The following CD163 variants were observed in gnomAD, a reference collection of about 807,000 sequenced individuals.
The protein encoded by CD163 is scavenger receptor cysteine-rich type 1 protein M130.
A neutral mutation model predicts 129.2 loss-of-function variants in CD163; 64 were observed. The ratio of observed to expected loss-of-function variants is 0.50; its 90% CI spans 0.41 to 0.61. The LOEUF (loss-of-function observed/expected upper bound fraction) is 0.61. CD163 is among the 20% of genes least tolerant of loss of function. The probability of loss-of-function intolerance (pLI) is 0.00; values close to 1 mark genes in which losing one functional copy is unlikely to be tolerated. For missense variants in CD163, 1,061 were observed against 1,377.9 expected (o/e 0.77, Z 3.64); for synonymous variants, 446 against 478.5 (o/e 0.93, Z 0.89).
rs1949157670 is a variant in CD163, at chr12:7,481,221, G to A, written c.3283C>T (p.Gln1095Ter). The change falls in exon 15 of 17, where the codon CAA becomes TAA. Residue 1095 changes from glutamine to a stop codon, truncating the protein, a stop_gained. Transcript: ENST00000432237. LOFTEE classifies it high-confidence loss of function. The stretch of plus-strand genomic sequence containing the variant: ...AGGCAAGAATTCATCTCCCGGTATT[G>A]AATTTGGTGGACTAAGTTCTCTCCT... ...SRGENLVHQI[Q>*]YREMNSCLNA... 6.2e-7 allele frequency: 1 copy of A among 1,613,902 alleles called. No homozygotes were observed. The highest frequency in any genetic ancestry group is 2.2e-5 in the East Asian group (1 of 44,876).
intron 12 of CD163, 178 bp downstream of exon 12, chr12:7,483,189 T>C: frequency 1.3e-6 from 1 of 788,648 alleles, no homozygotes; most frequent in Non-Finnish European, 2.0e-6. Flanking sequence ...GTCTCCTTGG[T>C]GAAGGCCGTT....
Position 7,499,178 on chromosome 12 carries a change from AT to A in CD163, c.467del (p.Asn156IlefsTer4). ...DAGVTCSDGS[N>X]LEMRLTRGGN... ...CTCCACGCGTCAGCCTCATTTCCAA[AT>A]TGGATCCATCTGGAGCAGAGAAAAG... is the stretch of plus-strand genomic sequence containing the variant. On this transcript the variant is annotated frameshift_variant, in exon 4 of 17. Coordinates refer to ENST00000432237, the MANE Select transcript of CD163 (RefSeq NM_203416.4). LOFTEE classifies it high-confidence loss of function. 1 of 1,610,202 alleles carries A rather than the reference AT, an allele frequency of 6.2e-7. No homozygotes were observed. The highest frequency in any genetic ancestry group is 8.5e-7 in the Non-Finnish European group (1 of 1,178,746).
intron 11 of CD163, 104 bp from the exon 12 acceptor site, chr12:7,483,779 T>A: frequency 4.5e-6 from 2 of 445,970 alleles, no homozygotes; most frequent in Non-Finnish European, 7.2e-6. Context: ...AAAAAAACTA[T>A]TTAAAATTTT....
At position 7,483,540 on chromosome 12, in the gene CD163, C is replaced by G; in HGVS notation, c.2915G>C (p.Cys972Ser). The G allele has an allele frequency of 2.5e-6, 4 of 1,613,990 alleles. No individual in the cohort carries two copies. Among genetic ancestry groups the G allele is most frequent in the Non-Finnish European group, 1.7e-6 (2 of 1,179,986 alleles). The change falls in exon 12 of 17, where the codon TGT becomes TCT. Residue 972 changes from cysteine (C) to serine (S), a missense_variant. Transcript: ENST00000432237. ...TTTGAATGCTTTCAAAGCTGGACCA[C>G]AGCCAAGTTGTTGACACACCACCTG... Reference protein sequence around the residue: ...DAQVVCQQLGCGPALKAFKEA... With the variant: ...DAQVVCQQLGSGPALKAFKEA...
At chr12:7,484,653 A>C (rs941292541) in intron 11 of CD163, among the ~76,000 whole-genome samples, 2 of 151,792 alleles carry the variant, frequency 1.3e-5, no homozygotes, top group Admixed American at 6.6e-5. Flanking sequence ...AAAAAAAAAA[A>C]AAAAAACCTG....
Position 7,498,847 on chromosome 12 carries a change from T to C in CD163, c.778+21A>G, listed in dbSNP as rs376252644. ...TTTTGTCCTCTCCTGGAGAATAGAA[T>C]GAGCCAAGATCAGTCCTTACTTGAG... On this transcript the variant is annotated intron_variant, in intron 4 of 16. Transcript: ENST00000432237. 16 of 1,600,944 alleles carry C rather than the reference T, an allele frequency of 1.0e-5. No homozygotes were observed. The African/African-American group carries it at 1.3e-4, about 13-fold the overall frequency.
chr12:7,491,131 T>TG (rs1949321529), intron 6 of CD163, among the ~76,000 whole-genome samples: 1 of 151,378 alleles, frequency 6.6e-6, no homozygotes, highest in African/African-American at 2.4e-5. Flanking sequence ...AGAAAACCAG[T>TG]GAAAAACAAA....
intron 16 of CD163, among the ~76,000 whole-genome samples, chr12:7,477,503 G>A (rs757592086): frequency 4.6e-5 from 7 of 152,128 alleles, no homozygotes; most frequent in East Asian, 3.9e-4. Context: ...ACCAAACACC[G>A]CATGTTCTCA....
Position 7,486,841 on chromosome 12 carries a change from A to G in CD163, c.2144-28T>C, listed in dbSNP as rs764531904. 1.9e-6 allele frequency: 3 copies of G among 1,606,428 alleles called. No homozygotes were observed. In the Admixed American group the frequency reaches 5.0e-5, roughly 27 times the overall value. ...GCAAAGAGAAATGAAACTATTAATA[A>G]TGAGCATTCCACTTGTTATTAATAT... On this transcript the variant is annotated intron_variant, in intron 9 of 16. Transcript: ENST00000432237.
chr12:7,496,925 C>T lies in CD163; in HGVS notation c.987G>A (p.Trp329Ter), dbSNP rs751639118. The change falls in exon 5 of 17, where the codon TGG (tryptophan) becomes TGA (stop). Residue 329 changes from tryptophan (W) to a stop codon, truncating the protein, a stop_gained. Transcript: ENST00000432237. LOFTEE classifies it high-confidence loss of function. The surrounding 1 kb of genome is among the most constrained non-coding windows in gnomAD (Gnocchi z 4.8). Reference sequence around the variant, plus strand: ...GTCCCTGGCAAGAAACGCTGTCAAGCCAGATGTGTCCAAATCCCTTACTGG... The same window carrying T: ...GTCCCTGGCAAGAAACGCTGTCAAGTCAGATGTGTCCAAATCCCTTACTGG... ...VNASKGFGHI[W>*]LDSVSCQGHE... 1 of 1,614,126 alleles carries T rather than the reference C, an allele frequency of 6.2e-7. No homozygotes were observed. The highest frequency in any genetic ancestry group is 8.5e-7 in the Non-Finnish European group (1 of 1,180,010).
intron 16 of CD163, among the ~76,000 whole-genome samples, chr12:7,477,464 T>C (rs1449109401): frequency 6.6e-6 from 1 of 152,184 alleles, no homozygotes; most frequent in Non-Finnish European, 1.5e-5. Flanking sequence ...GAAACCATCA[T>C]TCTCAGCAAA....
At chr12:7,489,831 A>C (rs1364604398) in intron 6 of CD163, among the ~76,000 whole-genome samples, 1 of 152,078 alleles carries the variant, frequency 6.6e-6, no homozygotes, top group Non-Finnish European at 1.5e-5. Flanking sequence ...TCTTTAGTAC[A>C]CTTTAAAATA....
At chr12:7,473,888 A>C (rs1413602177) in intron 16 of CD163, among the ~76,000 whole-genome samples, 3 of 152,148 alleles carry the variant, frequency 2.0e-5, no homozygotes, top group Non-Finnish European at 1.5e-5. Flanking sequence ...AAACATAACA[A>C]GCAAATGGAA....
At chr12:7,479,934 G>C in intron 15 of CD163, 21 bp from the exon 16 acceptor site, 1 of 1,612,576 alleles carries the variant, frequency 6.2e-7, no homozygotes, top group Non-Finnish European at 8.5e-7. Context: ...CCAGAAATAG[G>C]AAGAAATTTA....
chr12:7,483,027 A>G, intron 12 of CD163, 23 bp from the exon 13 acceptor site: 1 of 1,611,192 alleles, frequency 6.2e-7, no homozygotes. Context: ...AGAAAGAGAG[A>G]GGGTTAATTC....
Position 7,476,184 on chromosome 12 carries a change from T to C in CD163, c.*31+3676A>G, listed in dbSNP as rs757980686. Among the ~76,000 whole-genome samples, 30 of 152,292 alleles carry C rather than the reference T, an allele frequency of 2.0e-4. No individual in the cohort carries two copies. The Middle Eastern group carries it at 0.014, about 69-fold the overall frequency. ...TGCCCAAAGTTATTTATAGATTCAA[T>C]GCTATTCTCATCAAGCTACCATCGA... On this transcript the variant is annotated intron_variant, in intron 16 of 16. Coordinates refer to ENST00000432237, the MANE Select transcript of CD163 (RefSeq NM_203416.4).
rs758490940 is a variant in CD163, at chr12:7,481,216, G to A, written c.3288C>T (p.Tyr1096=). Residue 1096 remains tyrosine, a synonymous_variant, in exon 15 of 17, where the codon TAC becomes TAT. Coordinates refer to ENST00000432237, the MANE Select transcript of CD163 (RefSeq NM_203416.4). ...RGENLVHQIQ[Y]REMNSCLNAD... is the part of the protein sequence containing the mutation. The stretch of plus-strand genomic sequence containing the variant: ...CATTCAGGCAAGAATTCATCTCCCG[G>A]TATTGAATTTGGTGGACTAAGTTCT... 77 of 1,613,850 alleles carry A rather than the reference G, an allele frequency of 4.8e-5. No individual in the cohort carries two copies. Among genetic ancestry groups the A allele is most frequent in the Admixed American group, 2.0e-4 (12 of 60,010 alleles).
chr12:7,486,213 C>T (rs1045139222), intron 10 of CD163, among the ~76,000 whole-genome samples: 2 of 152,150 alleles, frequency 1.3e-5, no homozygotes, highest in African/African-American at 4.8e-5. Flanking sequence ...GGATCGCTAT[C>T]TAATATCTGG....
In CD163 at chr12:7,487,080, T is replaced by TAG; in HGVS notation, c.2051-96_2051-95dup. 3.0e-6 allele frequency: 3 copies of TAG among 998,006 alleles called. No homozygotes were observed. Among genetic ancestry groups the TAG allele is most frequent in the South Asian group, 1.5e-5 (1 of 65,174 alleles). 61.8% of individuals were successfully genotyped at this position (998,006 alleles called of 1,614,324 possible). A position where few individuals can be genotyped will look rare whatever the true frequency, so the allele number is the denominator to read the frequency against. ...GGATGAGTTGAGGACAAACATAGCT[T>TAG]AGAGAGAGAGGGGAAGGTGGATGGT... is the stretch of plus-strand genomic sequence containing the variant. On this transcript the variant is annotated intron_variant, in intron 8 of 16. Transcript: ENST00000432237. The surrounding 1 kb of genome is among the most constrained non-coding windows in gnomAD (Gnocchi z 5.1).
Sources: allele counts gnomAD v4.1 joint callset (sites outside exome capture counted in the v4.1 genomes callset), GRCh38; gene constraint gnomAD v4.1.1; non-coding constraint Gnocchi (gnomAD v3.1); transcripts MANE v1.5; gene names NCBI Gene and HGNC (gene_info 2026-07-23, HGNC 2026-07-21).